The following FREM1 variants were observed in gnomAD, a reference collection of about 807,000 sequenced individuals.
FREM1 encodes FRAS1-related extracellular matrix protein 1.
FREM1 carries 220 observed loss-of-function variants against 210.1 expected under a neutral mutation model. The ratio of observed to expected loss-of-function variants is 1.05; its 90% CI spans 0.94 to 1.17. FREM1 has a LOEUF of 1.17. FREM1 is among the 50% of genes most tolerant of loss of function. The probability of loss-of-function intolerance (pLI) is 0.00; values close to 1 mark genes in which losing one functional copy is unlikely to be tolerated. For synonymous variants in FREM1, 1,189 were observed against 980.2 expected, an observed-to-expected ratio of 1.21 and a Z score of -3.98; for missense variants, 3,454 against 2,675.5, an observed-to-expected ratio of 1.29 and a Z score of -6.42.
At chr9:14,765,966 G>T (rs1157212728) in intron 27 of FREM1, among the ~76,000 whole-genome samples, 4 of 152,170 alleles carry the variant, frequency 2.6e-5, no homozygotes, top group Admixed American at 2.0e-4. Flanking sequence ...AATGATGTGG[G>T]TCCTGTGTAA....
chr9:14,777,543 T>C (rs1224205554), intron 24 of FREM1, among the ~76,000 whole-genome samples: 1 of 152,172 alleles, frequency 6.6e-6, no homozygotes, highest in African/African-American at 2.4e-5. Flanking sequence ...ATTCCACCGA[T>C]ACAAAAACCT....
At chr9:14,746,566 T>C (rs1485628968) in intron 34 of FREM1, 98 bp from the exon 35 acceptor site, 14 of 905,894 alleles carry the variant, frequency 1.5e-5, no homozygotes, top group Non-Finnish European at 1.8e-5. Flanking sequence ...TTCAGTCAAG[T>C]AGTTTGGTTA....
rs1842834191 is a variant in FREM1 at position 14,748,505 on chromosome 9, G to C, written c.5692C>G (p.Pro1898Ala). 13 of 1,613,860 alleles carry C rather than the reference G, an allele frequency of 8.1e-6. No individual in the cohort carries two copies. In the East Asian group the frequency reaches 2.9e-4, roughly 36 times the overall value. ...ATGACTGCTAGCTGCATGGAAGATG[G>C]AAGAGGTCTTCTTTCCAGATGAAAG... The part of the protein sequence containing the change: ...GSFHLERRPL[P>A]SSMQLAVIRG... Residue 1898 changes from proline (P) to alanine (A), a missense_variant, in exon 31 of 37, where the codon CCA (proline) becomes GCA (alanine). Pro to Ala is a conservative substitution (Grantham distance 27, BLOSUM62 -1). Transcript: ENST00000380880.
Position 14,748,773 on chromosome 9 carries a change from C to T in FREM1, c.5558-134G>A, listed in dbSNP as rs1842877217. 1.6e-5 allele frequency: 10 copies of T among 628,412 alleles called. No homozygotes were observed. The South Asian group carries it at 1.9e-4, about 12-fold the overall frequency. 38.9% of individuals were successfully genotyped at this position (628,412 alleles called of 1,614,324 possible). A position where few individuals can be genotyped will look rare whatever the true frequency, so the allele number is the denominator to read the frequency against. ...TTTCCCACCAGATGTTGCCTTTTTG[C>T]CATTTGCCAGAAACTCCTTTACTCT... is the stretch of plus-strand genomic sequence containing the variant. On this transcript the variant is annotated intron_variant, in intron 30 of 36. Transcript: ENST00000380880.
At chr9:14,903,903 C>G (rs1817182542) in intron 1 of FREM1, among the ~76,000 whole-genome samples, 1 of 151,938 alleles carries the variant, frequency 6.6e-6, no homozygotes, top group Admixed American at 6.6e-5. Context: ...GGGCGGATCA[C>G]GAGGTCAGGA....
chr9:14,844,919 C>G (rs1316788365), intron 8 of FREM1, among the ~76,000 whole-genome samples: 4 of 152,238 alleles, frequency 2.6e-5, no homozygotes, highest in Admixed American at 2.0e-4. Flanking sequence ...TTGGATTTCT[C>G]TTACATACAA....
intron 6 of FREM1, among the ~76,000 whole-genome samples, chr9:14,849,642 G>A (rs771069724): frequency 6.8e-4 from 103 of 152,214 alleles, no homozygotes; most frequent in Non-Finnish European, 1.3e-3. Context: ...GCAACAGACT[G>A]AACAGGAAAC....
At chr9:14,794,813 C>G (rs932964349) in intron 21 of FREM1, among the ~76,000 whole-genome samples, 4 of 151,972 alleles carry the variant, frequency 2.6e-5, no homozygotes, top group Non-Finnish European at 5.9e-5. Flanking sequence ...TACTGGCCAA[C>G]ATGGTGAAAC....
rs145988597 is a variant in FREM1, at chr9:14,787,609, A to C, written c.4177+1310T>G. Among the ~76,000 whole-genome samples, 299 of 152,230 alleles carry C rather than the reference A, an allele frequency of 2.0e-3. 1 individual carries two copies. Among genetic ancestry groups the C allele is most frequent in the African/African-American group, 7.0e-3 (290 of 41,558 alleles). ...GCATGACATCCCCTAATTTTCTTCC[A>C]TATCTCACTTCTTGAGTGACTCTAA... On this transcript the variant is annotated intron_variant, in intron 23 of 36. Coordinates refer to ENST00000380880, the MANE Select transcript of FREM1 (RefSeq NM_001379081.2).
chr9:14,880,010 C>T (rs2132116062), intron 1 of FREM1, among the ~76,000 whole-genome samples: 1 of 152,160 alleles, frequency 6.6e-6, no homozygotes, highest in East Asian at 1.9e-4. Flanking sequence ...GGAGGTAGGG[C>T]CTTGTGGAGG....
chr9:14,782,951 C>G (rs1431864893), intron 24 of FREM1, among the ~76,000 whole-genome samples: 1 of 152,180 alleles, frequency 6.6e-6, no homozygotes, highest in Admixed American at 6.5e-5. Flanking sequence ...AAGCCTGTAT[C>G]TTAACTTCAC....
At chr9:14,838,921 T>G (rs193224495) in intron 10 of FREM1, among the ~76,000 whole-genome samples, 1 of 152,300 alleles carries the variant, frequency 6.6e-6, no homozygotes, top group Non-Finnish European at 1.5e-5. Flanking sequence ...AGAGGATTCT[T>G]GGAACAGCTG....
intron 24 of FREM1, among the ~76,000 whole-genome samples, chr9:14,776,523 T>G (rs1848602685): frequency 6.6e-6 from 1 of 152,192 alleles, no homozygotes; most frequent in South Asian, 2.1e-4. Context: ...AAATAAAAAT[T>G]TCACATCCAA....
At chr9:14,848,964 G>A (rs183351109) in intron 6 of FREM1, among the ~76,000 whole-genome samples, 191 bp from the exon 7 acceptor site, 12 of 152,094 alleles carry the variant, frequency 7.9e-5, no homozygotes, top group Non-Finnish European at 1.6e-4. Flanking sequence ...TTACTTTAAC[G>A]GTATTTTTAA....
rs200490112 is a variant in FREM1 at position 14,824,081 on chromosome 9, T to C, written c.2113A>G (p.Ser705Gly). 1.0e-4 allele frequency: 163 copies of C among 1,589,928 alleles called. No homozygotes were observed. In the East Asian group the frequency reaches 3.6e-3, roughly 35 times the overall value. Residue 705 changes from serine to glycine, a missense_variant, in exon 12 of 37, where the codon AGC (serine) becomes GGC (glycine). Physicochemically the swap from Ser to Gly is moderately conservative, Grantham distance 56. Transcript: ENST00000380880. ...GGATTCTTAACTACTTTTGGTATGC[T>C]GTCCACCATAAATAATTTCCCAGCA... Reference protein sequence around the residue: ...LDAGKLFMVDSIPKVVKNPTA... With the variant: ...LDAGKLFMVDGIPKVVKNPTA...
intron 3 of FREM1, 138 bp from the exon 4 acceptor site, chr9:14,859,622 T>C: frequency 1.4e-6 from 1 of 693,692 alleles, no homozygotes; most frequent in Non-Finnish European, 2.4e-6. Context: ...TTTCTTGCTC[T>C]ACTCCCAGCC....
At position 14,851,481 on chromosome 9, in the gene FREM1, C is replaced by T; in HGVS notation, c.955G>A (p.Val319Ile). 6.2e-7 allele frequency: 1 copy of T among 1,613,980 alleles called. No homozygotes were observed. Among genetic ancestry groups the T allele is most frequent in the African/African-American group, 1.3e-5 (1 of 75,046 alleles). The change falls in exon 6 of 37, where the codon GTT becomes ATT. Residue 319 changes from valine to isoleucine, a missense_variant. By Grantham distance (29) the Val-to-Ile change is conservative. Transcript: ENST00000380880. ...QFILTSLTTSVLDCEEDETPK... is the reference protein window; with the variant it reads ...QFILTSLTTSILDCEEDETPK... ...GTCTCATCTTCTTCACAGTCCAGAA[C>T]TGATGTAGTCAAGGAGGTCAGGATG... is the stretch of plus-strand genomic sequence containing the variant.
intron 19 of FREM1, among the ~76,000 whole-genome samples, chr9:14,804,389 T>C (rs1817956638): frequency 6.6e-6 from 1 of 152,022 alleles, no homozygotes; most frequent in African/African-American, 2.4e-5. Context: ...ATCAAGACCA[T>C]CCTGGCTAAC....
Position 14,740,358 on chromosome 9 carries a change from T to A in FREM1, c.6255-124A>T, listed in dbSNP as rs75255636. 3,565 of 700,032 alleles carry A rather than the reference T, an allele frequency of 5.1e-3. 105 individuals carry two copies. In the African/African-American group the frequency reaches 0.058, roughly 11 times the overall value. The allele number at this position is 700,032 out of a possible 1,614,324, so 43.4% of individuals were successfully genotyped here. On this transcript the variant is annotated intron_variant, in intron 35 of 36. Transcript: ENST00000380880. ...AAAAAGTAGGTCTTTAAAAAAACTT[T>A]CTAAGATTTTAATAGTGCAGTTTTA...
Sources: gnomAD v4.1 joint callset for allele counts (sites outside exome capture counted in the v4.1 genomes callset) on GRCh38, gnomAD v4.1.1 for gene constraint, MANE v1.5 for transcripts, NCBI Gene and HGNC (gene_info 2026-07-23, HGNC 2026-07-21) for gene names.